The following ATP8A2 variants were observed in gnomAD, a reference collection of about 807,000 sequenced individuals.
The protein encoded by ATP8A2 is phospholipid-transporting ATPase IB.
Under a neutral mutation model 165.6 loss-of-function variants are expected in ATP8A2, and 100 were observed. The observed-to-expected ratio is 0.60, with a 90% CI of 0.51 to 0.71. ATP8A2 has a LOEUF of 0.71. ATP8A2 is among the 30% of genes least tolerant of loss of function. The pLI is 0.00. For synonymous variants in ATP8A2, 543 were observed against 548.8 expected, an observed-to-expected ratio of 0.99 and a Z score of 0.15; for missense variants, 1,227 against 1,479.5, an observed-to-expected ratio of 0.83 and a Z score of 2.80.
chr13:25,428,098 C>T (rs770765458), intron 1 of ATP8A2, among the ~76,000 whole-genome samples: 13 of 151,952 alleles, frequency 8.6e-5, no homozygotes, highest in Middle Eastern at 3.4e-3. Context: ...GTGGAAGGAT[C>T]GCTTGAACCT....
At chr13:25,525,759 T>C (rs1296013401) in intron 2 of ATP8A2, among the ~76,000 whole-genome samples, 2 of 152,182 alleles carry the variant, frequency 1.3e-5, no homozygotes, top group African/African-American at 4.8e-5. Context: ...TCTTTGAGAA[T>C]GTGATTATTA....
intron 25 of ATP8A2, among the ~76,000 whole-genome samples, chr13:25,735,592 C>A (rs1349037882): frequency 6.9e-6 from 1 of 145,040 alleles, no homozygotes; most frequent in Non-Finnish European, 1.5e-5. Flanking sequence ...GAAAAAAAAA[C>A]TGACAGCAGG....
chr13:25,919,034 A>G (rs1196880399), intron 33 of ATP8A2, among the ~76,000 whole-genome samples: 2 of 152,246 alleles, frequency 1.3e-5, no homozygotes, highest in Non-Finnish European at 2.9e-5. Context: ...TTGCATGAAA[A>G]CCATAGATAA....
rs904859977 is a variant in ATP8A2, at chr13:25,765,108, T to C, written c.2385-3938T>C. Among the ~76,000 whole-genome samples, 4 of 152,362 alleles carry C rather than the reference T, an allele frequency of 2.6e-5. No homozygotes were observed. In the South Asian group the frequency reaches 8.3e-4, roughly 32 times the overall value. On this transcript the variant is annotated intron_variant, in intron 25 of 36. Transcript: ENST00000381655. Reference sequence around the variant, plus strand: ...AGCTAGTTTTTAAATTTCAGGGACATGTGTCCCATAAAATGAGATACTCCA... The same window carrying C: ...AGCTAGTTTTTAAATTTCAGGGACACGTGTCCCATAAAATGAGATACTCCA...
chr13:25,848,437 A>G (rs139652959), intron 30 of ATP8A2, among the ~76,000 whole-genome samples: 4 of 152,354 alleles, frequency 2.6e-5, no homozygotes, highest in African/African-American at 9.6e-5. Context: ...GCTGGGGGAT[A>G]TCACTTAGTT....
chr13:25,874,406 A>G (rs1471172577), intron 33 of ATP8A2, among the ~76,000 whole-genome samples: 1 of 152,138 alleles, frequency 6.6e-6, no homozygotes, highest in Non-Finnish European at 1.5e-5. Context: ...CACATCCTGG[A>G]CCTACGTGCT....
At chr13:25,591,117 C>T (rs1017185089) in intron 24 of ATP8A2, 1 of 333,370 alleles carries the variant, frequency 3.0e-6, no homozygotes, top group Non-Finnish European at 5.9e-6. Flanking sequence ...TGGAACCTCT[C>T]ATCATTGGAA....
intron 36 of ATP8A2, among the ~76,000 whole-genome samples, chr13:26,016,294 T>A (rs1041799947): frequency 1.3e-5 from 2 of 152,194 alleles, no homozygotes; most frequent in African/African-American, 4.8e-5. Context: ...GACCTCACGT[T>A]GCTCTACTTA....
intron 2 of ATP8A2, among the ~76,000 whole-genome samples, chr13:25,528,825 CAT>C (rs536673017): frequency 2.6e-5 from 2 of 76,286 alleles, no homozygotes; most frequent in Admixed American, 1.3e-4. Context: ...TGTATGCACA[CAT>C]ATGCAACATG....
intron 24 of ATP8A2, among the ~76,000 whole-genome samples, chr13:25,606,657 A>G (rs1349583417): frequency 1.3e-5 from 2 of 152,218 alleles, no homozygotes; most frequent in Non-Finnish European, 2.9e-5. Context: ...AAATGTAAAA[A>G]TAGTGTGAAA....
intron 35 of ATP8A2, among the ~76,000 whole-genome samples, chr13:25,981,670 T>A (rs930036432): frequency 3.9e-5 from 6 of 152,168 alleles, no homozygotes; most frequent in African/African-American, 1.4e-4. Context: ...AAATATTCAA[T>A]GTATAAAAAA....
At chr13:25,831,938 AT>A (rs1049825518) in intron 28 of ATP8A2, among the ~76,000 whole-genome samples, 3 of 150,584 alleles carry the variant, frequency 2.0e-5, no homozygotes, top group Admixed American at 6.6e-5. Context: ...CAATTTCTTT[AT>A]TTTTTTTTAT....
intron 1 of ATP8A2, among the ~76,000 whole-genome samples, chr13:25,390,707 A>G (rs920792079): frequency 6.6e-6 from 1 of 152,106 alleles, no homozygotes; most frequent in African/African-American, 2.4e-5. Flanking sequence ...AGCTGGGTGG[A>G]TCATTTGAGG....
chr13:25,910,762 T>C (rs1954081847), intron 33 of ATP8A2, among the ~76,000 whole-genome samples: 1 of 152,158 alleles, frequency 6.6e-6, no homozygotes, highest in Admixed American at 6.5e-5. Context: ...TATTAATACA[T>C]TAATAACAAT....
chr13:26,010,497 C>A (rs1430075304), intron 35 of ATP8A2, among the ~76,000 whole-genome samples: 1 of 152,252 alleles, frequency 6.6e-6, no homozygotes, highest in Non-Finnish European at 1.5e-5. Flanking sequence ...GGGTGAGGGG[C>A]CCCCTCTGCA....
rs373669821 is a variant in ATP8A2, at chr13:25,574,841, G to A, written c.1696G>A (p.Val566Ile). The A allele has an allele frequency of 1.3e-6, 2 of 1,557,196 alleles. No individual in the cohort carries two copies. Among genetic ancestry groups the A allele is most frequent in the Non-Finnish European group, 1.8e-6 (2 of 1,130,116 alleles). The change falls in exon 19 of 37, where the codon GTC becomes ATC. Residue 566 changes from valine to isoleucine, a missense_variant. Val to Ile is a conservative substitution (Grantham distance 29). Coordinates refer to ENST00000381655, the MANE Select transcript of ATP8A2 (RefSeq NM_016529.6). ...GGAACAAACATTCGGAATCCTTAAT[G>A]TCCTGGAATTTTCTAGGTATGTTTC... ...GQEQTFGILN[V>I]LEFSSDRKRM...
intron 33 of ATP8A2, among the ~76,000 whole-genome samples, chr13:25,942,111 TGAAG>T (rs1288878370): frequency 4.6e-5 from 7 of 152,258 alleles, no homozygotes; most frequent in Non-Finnish European, 1.0e-4. Flanking sequence ...CAACTGTTTT[TGAAG>T]TTTATCATAG....
At position 25,623,428 on chromosome 13, in the gene ATP8A2, A is replaced by G. The variant is rs757539217; in HGVS notation, c.2211+33729A>G. Among the ~76,000 whole-genome samples the G allele has an allele frequency of 4.8e-4, 71 of 148,240 alleles. 1 individual carries two copies. The highest frequency in any genetic ancestry group is 1.4e-3 in the Admixed American group (21 of 14,806). On this transcript the variant is annotated intron_variant, in intron 24 of 36. Transcript: ENST00000381655. Reference sequence around the variant, plus strand: ...GCAACAACAAAAAGCCAGGACTATGATTTTTTTTTTTCAAAAGTTCTTCTC... The same window carrying G: ...GCAACAACAAAAAGCCAGGACTATGGTTTTTTTTTTTCAAAAGTTCTTCTC...
chr13:25,420,165 G>A (rs1417068985), intron 1 of ATP8A2, among the ~76,000 whole-genome samples: 1 of 152,106 alleles, frequency 6.6e-6, no homozygotes, highest in African/African-American at 2.4e-5. Flanking sequence ...ATAGGGAGAG[G>A]GCCCAAAGGG....
Sources: allele counts gnomAD v4.1 joint callset (sites outside exome capture counted in the v4.1 genomes callset), GRCh38; gene constraint gnomAD v4.1.1; transcripts MANE v1.5; gene names NCBI Gene and HGNC (gene_info 2026-07-23, HGNC 2026-07-21).